The following TMOD3 variants were observed in gnomAD, a reference collection of about 807,000 sequenced individuals.
TMOD3 encodes the protein tropomodulin-3.
In TMOD3, 20 loss-of-function variants were observed where a neutral mutation model predicts 39.2. The ratio of observed to expected loss-of-function variants is 0.51; its 90% CI spans 0.36 to 0.74. TMOD3 has a LOEUF of 0.74. Among genes scored for constraint, TMOD3 ranks in the 30% least tolerant of loss-of-function variants. TMOD3 has a pLI of 0.00. For synonymous variants in TMOD3, 143 were observed against 145.8 expected (o/e 0.98, Z 0.14); for missense variants, 381 against 412.8 (o/e 0.92, Z 0.67).
chr15:51,906,560 A>G (rs1229881071), intron 9 of TMOD3, among the ~76,000 whole-genome samples: 3 of 152,302 alleles, frequency 2.0e-5, no homozygotes, highest in African/African-American at 7.2e-5. Context: ...TCACATTACT[A>G]TCTTTACACT....
At chr15:51,832,232 T>TATATATATATATATATATA (rs2056260176) in intron 1 of TMOD3, among the ~76,000 whole-genome samples, 1 of 137,418 alleles carries the variant, frequency 7.3e-6, no homozygotes, top group Non-Finnish European at 1.6e-5. Context: ...TATATATATA[T>TATATATATATATATATATA]GAATGACATG....
intron 1 of TMOD3, among the ~76,000 whole-genome samples, chr15:51,832,203 T>TTTTATATATATA (rs371264278): frequency 3.2e-4 from 25 of 79,336 alleles, no homozygotes; most frequent in Admixed American, 2.2e-3. Context: ...AGAAAAAAAA[T>TTTTATATATATA]TATATATATA....
chr15:51,882,515 A>G (rs890496601), intron 3 of TMOD3, among the ~76,000 whole-genome samples: 2 of 152,108 alleles, frequency 1.3e-5, no homozygotes, highest in African/African-American at 4.8e-5. Context: ...AAAAAACCAA[A>G]AACAAAAAAC....
At chr15:51,868,330 G>T (rs1595898585) in intron 2 of TMOD3, among the ~76,000 whole-genome samples, 1 of 152,090 alleles carries the variant, frequency 6.6e-6, no homozygotes, top group East Asian at 1.9e-4. Flanking sequence ...TAAGTTCAGG[G>T]ATACCTGTGC....
intron 5 of TMOD3, among the ~76,000 whole-genome samples, chr15:51,890,159 C>A (rs1240888127): frequency 2.0e-5 from 3 of 150,554 alleles, no homozygotes; most frequent in African/African-American, 7.3e-5. Context: ...AATAATAATT[C>A]TATTAGCTAA....
At chr15:51,852,224 A>G (rs1037455456) in intron 1 of TMOD3, among the ~76,000 whole-genome samples, 1 of 152,170 alleles carries the variant, frequency 6.6e-6, no homozygotes, top group Non-Finnish European at 1.5e-5. Context: ...ACAAATATTC[A>G]TCTGGGAATC....
At chr15:51,904,843 C>T (rs1017874497) in intron 9 of TMOD3, among the ~76,000 whole-genome samples, 6 of 152,086 alleles carry the variant, frequency 3.9e-5, no homozygotes, top group African/African-American at 7.2e-5. Context: ...ATTGAATAGC[C>T]GTGCACAGTG....
At chr15:51,860,071 GC>G (rs2056409325) in intron 1 of TMOD3, 1 of 515,604 alleles carries the variant, frequency 1.9e-6, no homozygotes. Flanking sequence ...CCTCCTTCTG[GC>G]CCTCCTCTGC....
At chr15:51,859,835 G>A in intron 1 of TMOD3, 1 of 518,154 alleles carries the variant, frequency 1.9e-6, no homozygotes. Flanking sequence ...AGGAAGTTAT[G>A]GCACAGCAAC....
intron 1 of TMOD3, chr15:51,860,309 A>G (rs375606392): frequency 3.7e-6 from 2 of 534,438 alleles, no homozygotes; most frequent in African/African-American, 1.9e-5. Context: ...CAGAATTTTC[A>G]TAGATGATCC....
chr15:51,885,210 TGGA>T (rs1375618646), intron 3 of TMOD3, among the ~76,000 whole-genome samples: 1 of 152,218 alleles, frequency 6.6e-6, no homozygotes, highest in Admixed American at 6.5e-5. Flanking sequence ...CAATCTTGCA[TGGA>T]ACATATGGTC....
rs753814979 is a variant in TMOD3, at chr15:51,881,550, C to CTT, written c.284-6012_284-6011dup. Among the ~76,000 whole-genome samples the CTT allele has an allele frequency of 7.8e-3, 484 of 61,812 alleles. 71 individuals carry two copies. The highest frequency in any genetic ancestry group is 0.032 in the East Asian group (50 of 1,574). The allele number at this position is 61,812 out of a possible 152,430, so 40.6% of individuals were successfully genotyped here. On this transcript the variant is annotated intron_variant, in intron 3 of 9. Coordinates refer to ENST00000308580, the MANE Select transcript of TMOD3 (RefSeq NM_014547.5). ...ACGGAGATACAATCTTTCTTTATTT[C>CTT]TTTTTTTTTTTTTTTTTTTTTTTTT...
At chr15:51,863,946 C>G (rs2056431995) in intron 2 of TMOD3, among the ~76,000 whole-genome samples, 1 of 152,088 alleles carries the variant, frequency 6.6e-6, no homozygotes, top group South Asian at 2.1e-4. Flanking sequence ...GCAGTTCAAT[C>G]TATTAGACCT....
At chr15:51,870,073 G>A (rs1685781879) in intron 3 of TMOD3, among the ~76,000 whole-genome samples, 1 of 151,952 alleles carries the variant, frequency 6.6e-6, no homozygotes, top group Admixed American at 6.6e-5. Context: ...TTAGTAGCTG[G>A]GATTACAGGT....
chr15:51,890,411 A>C (rs985728526), intron 5 of TMOD3, among the ~76,000 whole-genome samples: 2 of 149,536 alleles, frequency 1.3e-5, no homozygotes, highest in Admixed American at 1.3e-4. Flanking sequence ...TCCTGACCTC[A>C]GGTGATCTGC....
chr15:51,910,142 C>T lies in TMOD3; in HGVS notation c.*1332C>T, dbSNP rs569968004. 6.6e-6 allele frequency: 1 copy of T among 152,278 alleles called. No homozygotes were observed. The highest frequency in any genetic ancestry group is 1.9e-4 in the East Asian group (1 of 5,190). The allele number at this position is 152,278 out of a possible 1,614,324, so 9.4% of individuals were successfully genotyped here. A position where few individuals can be genotyped will look rare whatever the true frequency, so the allele number is the denominator to read the frequency against. ...GAGATGGCAGAGGCATTTACAGCTG[C>T]AGAAAACAGGGAGGAATGGAATCTG... On this transcript the variant is annotated 3_prime_UTR_variant, in exon 10 of 10. Coordinates refer to ENST00000308580, the MANE Select transcript of TMOD3 (RefSeq NM_014547.5).
chr15:51,885,953 G>A (rs1042377497), intron 3 of TMOD3, among the ~76,000 whole-genome samples: 38 of 150,508 alleles, frequency 2.5e-4, no homozygotes, highest in African/African-American at 5.1e-4. Context: ...GTGGCTGGCC[G>A]GGCAGGGGCT....
At chr15:51,886,581 A>T (rs951483301) in intron 3 of TMOD3, among the ~76,000 whole-genome samples, 1 of 152,152 alleles carries the variant, frequency 6.6e-6, no homozygotes, top group African/African-American at 2.4e-5. Context: ...CAGGAGAATC[A>T]GGCAGGGAGG....
In TMOD3 at chr15:51,846,432, A is replaced by G. The variant is rs147726496; in HGVS notation, c.-74-16379A>G. On this transcript the variant is annotated intron_variant, in intron 1 of 9. Coordinates refer to ENST00000308580, the MANE Select transcript of TMOD3 (RefSeq NM_014547.5). ...CCTTTTGTTCACTGCGTAACATTCAACTTGCTCTCAGCATGATTTCTTTTA... is the reference window on the plus strand; with the variant it reads ...CCTTTTGTTCACTGCGTAACATTCAGCTTGCTCTCAGCATGATTTCTTTTA... 4.3e-3 allele frequency among the ~76,000 whole-genome samples: 660 copies of G among 152,328 alleles called. 6 individuals carry two copies. Among genetic ancestry groups the G allele is most frequent in the African/African-American group, 0.015 (636 of 41,576 alleles).
Sources: allele counts gnomAD v4.1 joint callset (sites outside exome capture counted in the v4.1 genomes callset), GRCh38; gene constraint gnomAD v4.1.1; transcripts MANE v1.5; gene names NCBI Gene and HGNC (gene_info 2026-07-23, HGNC 2026-07-21).